PTPRD: variants seen among roughly 807,000 people sequenced by gnomAD.
PTPRD encodes the protein receptor-type tyrosine-protein phosphatase delta.
In PTPRD, 34 loss-of-function variants were observed where a neutral mutation model predicts 214.5. The ratio of observed to expected loss-of-function variants is 0.16; its 90% CI spans 0.12 to 0.21. The LOEUF is 0.21. PTPRD is among the 10% of genes least tolerant of loss of function. The pLI is 1.00. For missense variants in PTPRD, 2,545 were observed against 2,398.7 expected (o/e 1.06, Z -1.27); for synonymous variants, 1,128 against 845.7 (o/e 1.33, Z -5.79).
intron 11 of PTPRD, among the ~76,000 whole-genome samples, chr9:8,975,036 G>T (rs1206628366): frequency 2.7e-5 from 4 of 149,712 alleles, no homozygotes; most frequent in East Asian, 2.0e-4. Flanking sequence ...AGTGGAGATT[G>T]CAGTGAGCCA....
chr9:8,997,341 G>A (rs1567487672), intron 11 of PTPRD, among the ~76,000 whole-genome samples: 1 of 152,016 alleles, frequency 6.6e-6, no homozygotes, highest in Non-Finnish European at 1.5e-5. Flanking sequence ...TCAAAAGTAT[G>A]TGTTCACTTC....
Position 9,429,107 on chromosome 9 carries a change from T to A in PTPRD, c.-236-31625A>T, listed in dbSNP as rs936483792. ...AAAAAACCCTTCAAAAATCAATGAA[T>A]CCAGGAACTGGTTTTTTGAAAAGAT... On this transcript the variant is annotated intron_variant, in intron 8 of 45. Coordinates refer to ENST00000381196, the MANE Select transcript of PTPRD (RefSeq NM_002839.4). Among the ~76,000 whole-genome samples the A allele has an allele frequency of 2.6e-5, 4 of 152,110 alleles. No homozygotes were observed. The East Asian group carries it at 5.8e-4, about 22-fold the overall frequency.
intron 10 of PTPRD, among the ~76,000 whole-genome samples, chr9:9,123,759 A>G (rs2099819846): frequency 6.6e-6 from 1 of 152,220 alleles, no homozygotes; most frequent in Admixed American, 6.5e-5. Flanking sequence ...AAGGAAGACA[A>G]CATTTGTTGA....
intron 11 of PTPRD, among the ~76,000 whole-genome samples, chr9:8,771,323 G>A (rs7034775): frequency 0.059 from 8,904 of 152,124 alleles, 662 homozygotes; most frequent in African/African-American, 0.17. Flanking sequence ...AGGCATGTAT[G>A]CAAGTCCGTG....
intron 14 of PTPRD, among the ~76,000 whole-genome samples, chr9:8,621,355 T>A (rs926134760): frequency 3.9e-5 from 6 of 151,994 alleles, no homozygotes; most frequent in African/African-American, 1.4e-4. Flanking sequence ...ACATCAGCAT[T>A]TCACCATTAT....
chr9:8,933,339 G>GTTTTTTTTTTTTTTTTTTTTT (rs1567089304), intron 11 of PTPRD, among the ~76,000 whole-genome samples: 7 of 68,794 alleles, frequency 1.0e-4, no homozygotes, highest in Non-Finnish European at 1.7e-4. Flanking sequence ...ACAACCTTGA[G>GTTTTTTTTTTTTTTTTTTTTT]GTTTTTTTTT....
At chr9:10,243,837 A>G (rs1052244796) in intron 3 of PTPRD, among the ~76,000 whole-genome samples, 1 of 151,972 alleles carries the variant, frequency 6.6e-6, no homozygotes, top group African/African-American at 2.4e-5. Context: ...ACCTAAAGAC[A>G]TATATGTATT....
intron 10 of PTPRD, among the ~76,000 whole-genome samples, chr9:9,158,008 G>A (rs543551025): frequency 6.6e-6 from 1 of 152,220 alleles, no homozygotes; most frequent in East Asian, 1.9e-4. Context: ...TAAGAATAAT[G>A]GCTTCCAAGT....
chr9:8,570,828 G>A (rs1270242076), intron 14 of PTPRD, among the ~76,000 whole-genome samples: 2 of 151,868 alleles, frequency 1.3e-5, no homozygotes, highest in Admixed American at 1.3e-4. Flanking sequence ...GGCATAAAAA[G>A]CACATATATT....
At chr9:9,780,921 G>T (rs1318137614) in intron 5 of PTPRD, among the ~76,000 whole-genome samples, 1 of 152,194 alleles carries the variant, frequency 6.6e-6, no homozygotes. Context: ...CTGAGTGAAA[G>T]AGGCCAGTCT....
intron 3 of PTPRD, among the ~76,000 whole-genome samples, chr9:10,222,401 T>C (rs2099574289): frequency 6.6e-6 from 1 of 152,084 alleles, no homozygotes; most frequent in Non-Finnish European, 1.5e-5. Context: ...AACAATACTT[T>C]GGGTCAACTT....
intron 3 of PTPRD, among the ~76,000 whole-genome samples, chr9:10,263,220 T>A (rs747518003): frequency 4.5e-4 from 68 of 152,174 alleles, no homozygotes; most frequent in Non-Finnish European, 7.5e-4. Context: ...GGTGTTGCTG[T>A]AAAGTTACCT....
intron 7 of PTPRD, among the ~76,000 whole-genome samples, chr9:9,653,830 T>A (rs1235240604): frequency 6.6e-6 from 1 of 152,226 alleles, no homozygotes; most frequent in Non-Finnish European, 1.5e-5. Flanking sequence ...GTATCTGAAG[T>A]GATAAAGACA....
intron 8 of PTPRD, among the ~76,000 whole-genome samples, chr9:9,496,186 G>T (rs1286986778): frequency 2.0e-5 from 3 of 151,836 alleles, no homozygotes; most frequent in African/African-American, 7.3e-5. Context: ...AAAAACTTAG[G>T]CAACAAAATT....
At chr9:8,848,101 A>G (rs190112221) in intron 11 of PTPRD, among the ~76,000 whole-genome samples, 1 of 151,982 alleles carries the variant, frequency 6.6e-6, no homozygotes, top group East Asian at 1.9e-4. Flanking sequence ...TCCAGGACTG[A>G]CCCCAGAGCT....
At chr9:10,188,467 T>C (rs912081563) in intron 3 of PTPRD, among the ~76,000 whole-genome samples, 7 of 152,172 alleles carry the variant, frequency 4.6e-5, no homozygotes, top group Non-Finnish European at 7.4e-5. Flanking sequence ...TCTTAGAAAC[T>C]TGTTAACTTT....
At chr9:10,047,523 G>C (rs1029939911) in intron 3 of PTPRD, among the ~76,000 whole-genome samples, 1 of 151,906 alleles carries the variant, frequency 6.6e-6, no homozygotes, top group East Asian at 1.9e-4. Flanking sequence ...TATCTTCCTT[G>C]TGTTTGCAAT....
chr9:8,599,613 C>CCCCCCTTTTTTTTTTTTTT (rs2094698008), intron 14 of PTPRD, among the ~76,000 whole-genome samples: 1 of 53,428 alleles, frequency 1.9e-5, no homozygotes, highest in Non-Finnish European at 3.6e-5. Flanking sequence ...CCCGCCCACC[C>CCCCCCTTTTTTTTTTTTTT]TTTTTTTTTT....
chr9:10,126,890 AG>A (rs1210308497), intron 3 of PTPRD, among the ~76,000 whole-genome samples: 2 of 151,670 alleles, frequency 1.3e-5, no homozygotes, highest in Non-Finnish European at 2.9e-5. Context: ...AGTAGTAGAT[AG>A]AAATTGCCAT....
Sources: allele counts gnomAD v4.1 joint callset (sites outside exome capture counted in the v4.1 genomes callset), GRCh38; gene constraint gnomAD v4.1.1; transcripts MANE v1.5; gene names NCBI Gene and HGNC (gene_info 2026-07-23, HGNC 2026-07-21).